GALNTL6: variants seen among roughly 807,000 people sequenced by gnomAD.
GALNTL6 encodes the protein polypeptide N-acetylgalactosaminyltransferase-like 6.
Under a neutral mutation model 73.7 loss-of-function variants are expected in GALNTL6, and 46 were observed. That is an observed-to-expected ratio of 0.62 (90% CI 0.49 to 0.80). The LOEUF is 0.80. GALNTL6 is among the 30% of genes least tolerant of loss of function. GALNTL6 has a pLI of 0.00. For synonymous variants in GALNTL6, 259 were observed against 263.7 expected, an observed-to-expected ratio of 0.98 and a Z score of 0.17; for missense variants, 604 against 755.0, an observed-to-expected ratio of 0.80 and a Z score of 2.34.
intron 10 of GALNTL6, among the ~76,000 whole-genome samples, chr4:172,956,166 T>C (rs1749742204): frequency 6.6e-6 from 1 of 152,108 alleles, no homozygotes; most frequent in South Asian, 2.1e-4. Context: ...ATGCGCGATG[T>C]TTCTCAGGGC....
chr4:171,873,468 G>T (rs1736191228), intron 2 of GALNTL6, among the ~76,000 whole-genome samples: 1 of 152,162 alleles, frequency 6.6e-6, no homozygotes, highest in African/African-American at 2.4e-5. Flanking sequence ...AAATTTAGGA[G>T]TAAAAGCAGC....
chr4:172,678,565 G>C (rs916385018), intron 5 of GALNTL6, among the ~76,000 whole-genome samples: 1 of 152,106 alleles, frequency 6.6e-6, no homozygotes, highest in East Asian at 1.9e-4. Context: ...AGCTGGTCTC[G>C]AGCTCCCAAC....
chr4:172,075,001 A>C lies in GALNTL6; in HGVS notation c.139-154655A>C, dbSNP rs909042385. On this transcript the variant is annotated intron_variant, in intron 2 of 12. Coordinates refer to ENST00000506823, the MANE Select transcript of GALNTL6 (RefSeq NM_001034845.3). ...TGTTTATAACAATAATGTTCATATTATAGACAATCCTGCATGTTTTCTATC... is the reference window on the plus strand; with the variant it reads ...TGTTTATAACAATAATGTTCATATTCTAGACAATCCTGCATGTTTTCTATC... Among the ~76,000 whole-genome samples the C allele has an allele frequency of 2.8e-4, 43 of 152,212 alleles. 1 individual carries two copies. Among genetic ancestry groups the C allele is most frequent in the Non-Finnish European group, 1.3e-4 (9 of 68,030 alleles).
intron 5 of GALNTL6, among the ~76,000 whole-genome samples, chr4:172,409,103 G>T (rs1346594455): frequency 1.3e-5 from 2 of 151,982 alleles, no homozygotes. Flanking sequence ...GAAAATATTT[G>T]TAACATCTGC....
chr4:172,278,757 A>G (rs373354529), intron 3 of GALNTL6, among the ~76,000 whole-genome samples: 69 of 152,312 alleles, frequency 4.5e-4, no homozygotes, highest in African/African-American at 1.6e-3. Flanking sequence ...AAGAACTCCA[A>G]ATAGCCAGAA....
At chr4:172,181,574 C>T (rs756564948) in intron 2 of GALNTL6, among the ~76,000 whole-genome samples, 18 of 152,016 alleles carry the variant, frequency 1.2e-4, no homozygotes, top group Non-Finnish European at 2.2e-4. Context: ...ACCTATTCAA[C>T]GTAGTATTGG....
At chr4:172,489,805 C>T (rs1733832977) in intron 5 of GALNTL6, among the ~76,000 whole-genome samples, 1 of 152,136 alleles carries the variant, frequency 6.6e-6, no homozygotes, top group Admixed American at 6.5e-5. Context: ...CACTGATTTT[C>T]TGGATGGAAC....
At chr4:172,420,325 T>C (rs1182616675) in intron 5 of GALNTL6, among the ~76,000 whole-genome samples, 1 of 152,198 alleles carries the variant, frequency 6.6e-6, no homozygotes, top group Non-Finnish European at 1.5e-5. Context: ...ATAGCACATA[T>C]TGTGCAACTC....
At chr4:172,033,720 A>G (rs1336658658) in intron 2 of GALNTL6, among the ~76,000 whole-genome samples, 1 of 152,148 alleles carries the variant, frequency 6.6e-6, no homozygotes, top group African/African-American at 2.4e-5. Context: ...GCCACAGATA[A>G]TCACTGGCAT....
chr4:172,653,698 A>C (rs776989059), intron 5 of GALNTL6, among the ~76,000 whole-genome samples: 5 of 152,224 alleles, frequency 3.3e-5, no homozygotes, highest in Non-Finnish European at 7.3e-5. Context: ...ATCATTTAGG[A>C]CTTCATTTCA....
chr4:172,098,770 T>C (rs764705720), intron 2 of GALNTL6, among the ~76,000 whole-genome samples: 4 of 152,176 alleles, frequency 2.6e-5, no homozygotes, highest in Admixed American at 1.3e-4. Context: ...CTGGGGAGTA[T>C]TGGCAATCTC....
intron 8 of GALNTL6, among the ~76,000 whole-genome samples, chr4:172,890,315 G>T (rs1161772824): frequency 1.3e-5 from 2 of 151,858 alleles, no homozygotes; most frequent in African/African-American, 2.4e-5. Flanking sequence ...GAGTGTTTTT[G>T]TTTTTCTAGT....
At chr4:172,727,534 GA>G (rs1173398599) in intron 5 of GALNTL6, among the ~76,000 whole-genome samples, 1 of 152,110 alleles carries the variant, frequency 6.6e-6, no homozygotes, top group Non-Finnish European at 1.5e-5. Context: ...ATACTATCAA[GA>G]AAGCAGGAAA....
intron 2 of GALNTL6, among the ~76,000 whole-genome samples, chr4:171,873,238 G>C (rs1053937682): frequency 1.3e-5 from 2 of 152,048 alleles, no homozygotes; most frequent in African/African-American, 4.8e-5. Flanking sequence ...TTGGACCTTG[G>C]CAGAACCAAT....
At chr4:172,123,822 GTTAA>G (rs959413883) in intron 2 of GALNTL6, among the ~76,000 whole-genome samples, 4 of 152,064 alleles carry the variant, frequency 2.6e-5, no homozygotes, top group Non-Finnish European at 5.9e-5. Flanking sequence ...ATCTTCATCA[GTTAA>G]TTAATCTCTG....
At chr4:171,846,822 C>T (rs1368703755) in intron 2 of GALNTL6, among the ~76,000 whole-genome samples, 1 of 146,460 alleles carries the variant, frequency 6.8e-6, no homozygotes, top group East Asian at 2.0e-4. Flanking sequence ...GTAGATGTAT[C>T]TATCTATAGA....
intron 2 of GALNTL6, among the ~76,000 whole-genome samples, chr4:171,979,493 G>T (rs563827619): frequency 3.9e-4 from 59 of 152,318 alleles, no homozygotes; most frequent in Admixed American, 9.8e-4. Context: ...GTTCCTACTT[G>T]GGTCAGGGAA....
At chr4:172,181,281 G>A (rs898249268) in intron 2 of GALNTL6, among the ~76,000 whole-genome samples, 3 of 152,088 alleles carry the variant, frequency 2.0e-5, no homozygotes, top group East Asian at 1.9e-4. Context: ...CGATCAAGTC[G>A]GCTTCATCCC....
intron 8 of GALNTL6, among the ~76,000 whole-genome samples, chr4:172,911,601 T>C (rs187371511): frequency 1.3e-5 from 2 of 152,214 alleles, no homozygotes; most frequent in Non-Finnish European, 2.9e-5. Context: ...ATGCCCAGAA[T>C]TGATCTTCCA....
Sources: allele counts gnomAD v4.1 joint callset (sites outside exome capture counted in the v4.1 genomes callset), GRCh38; gene constraint gnomAD v4.1.1; transcripts MANE v1.5; gene names NCBI Gene and HGNC (gene_info 2026-07-23, HGNC 2026-07-21).